ABCA13: variants seen among roughly 807,000 people sequenced by gnomAD.
ABCA13 encodes ATP-binding cassette sub-family A member 13.
Under a neutral mutation model 478.7 loss-of-function variants are expected in ABCA13, and 476 were observed. That is an observed-to-expected ratio of 0.99 (90% CI 0.92 to 1.07). The LOEUF is 1.07. Ranked by LOEUF, ABCA13 falls within the 50% of genes least tolerant of loss-of-function variation. The probability of loss-of-function intolerance (pLI) is 0.00; values close to 1 mark genes in which losing one functional copy is unlikely to be tolerated. For synonymous variants in ABCA13, 2,252 were observed against 2,158.9 expected (o/e 1.04, Z -1.20); for missense variants, 6,060 against 5,910.6 (o/e 1.03, Z -0.83).
chr7:48,471,780 G>A (rs1162944318), intron 45 of ABCA13, among the ~76,000 whole-genome samples, 181 bp downstream of exon 45: 3 of 152,192 alleles, frequency 2.0e-5, no homozygotes, highest in African/African-American at 7.2e-5. Flanking sequence ...GAACACAGAT[G>A]CTGTATAGAT....
intron 16 of ABCA13, among the ~76,000 whole-genome samples, chr7:48,270,046 T>C (rs1795386609): frequency 6.6e-6 from 1 of 152,182 alleles, no homozygotes; most frequent in South Asian, 2.1e-4. Flanking sequence ...CAAGGACACA[T>C]TTAATTTTAT....
chr7:48,182,398 C>T (rs1279381818), intron 1 of ABCA13, among the ~76,000 whole-genome samples: 2 of 152,112 alleles, frequency 1.3e-5, no homozygotes, highest in East Asian at 1.9e-4. Context: ...ATGTACATCT[C>T]ACAATTTAAA....
intron 27 of ABCA13, 40 bp from the exon 28 acceptor site, chr7:48,335,382 G>T: frequency 7.0e-7 from 1 of 1,422,692 alleles, no homozygotes; most frequent in Non-Finnish European, 9.8e-7. Flanking sequence ...TAATATAACA[G>T]CTGAATAAGA....
At chr7:48,421,287 C>T (rs1316652143) in intron 41 of ABCA13, among the ~76,000 whole-genome samples, 1 of 152,056 alleles carries the variant, frequency 6.6e-6, no homozygotes, top group South Asian at 2.1e-4. Context: ...TGTTCCTTGC[C>T]AGAATTAAAA....
intron 33 of ABCA13, among the ~76,000 whole-genome samples, chr7:48,374,104 C>T (rs192313103): frequency 1.3e-5 from 2 of 152,242 alleles, no homozygotes; most frequent in East Asian, 3.9e-4. Flanking sequence ...TCAAGCATCT[C>T]GGTAAAGAGA....
intron 35 of ABCA13, 98 bp from the exon 36 acceptor site, chr7:48,387,724 C>A: frequency 9.7e-7 from 1 of 1,025,868 alleles, no homozygotes; most frequent in Non-Finnish European, 1.4e-6. Context: ...AAAATATTAA[C>A]ATGGGATGAC....
At chr7:48,442,315 C>T (rs941768494) in intron 42 of ABCA13, among the ~76,000 whole-genome samples, 3 of 152,138 alleles carry the variant, frequency 2.0e-5, no homozygotes, top group Admixed American at 2.0e-4. Context: ...ACATTCATTT[C>T]TCACAGTTAT....
intron 58 of ABCA13, among the ~76,000 whole-genome samples, chr7:48,605,572 G>A (rs1264592689): frequency 6.6e-6 from 1 of 152,228 alleles, no homozygotes; most frequent in East Asian, 1.9e-4. Flanking sequence ...GGTTTCTGCA[G>A]AGAGATCCAC....
chr7:48,599,987 G>A (rs1790716432), intron 58 of ABCA13, among the ~76,000 whole-genome samples: 1 of 152,118 alleles, frequency 6.6e-6, no homozygotes. Flanking sequence ...TTTTTCCTGG[G>A]TATTCTATCA....
chr7:48,479,570 A>C (rs1385257761), intron 45 of ABCA13, among the ~76,000 whole-genome samples: 1 of 152,144 alleles, frequency 6.6e-6, no homozygotes, highest in Non-Finnish European at 1.5e-5. Flanking sequence ...ATACATTGTC[A>C]CTAATTGTAG....
rs548841327 is a variant in ABCA13, at chr7:48,307,735, C to T, written c.9322-2212C>T. On this transcript the variant is annotated intron_variant, in intron 23 of 61. Transcript: ENST00000435803. Reference sequence around the variant, plus strand: ...TTGCTCTGTTGCCCAGGCTGGAGTGCAGTGGCACAATCTCGGCTCACTGTG... The same window carrying T: ...TTGCTCTGTTGCCCAGGCTGGAGTGTAGTGGCACAATCTCGGCTCACTGTG... Among the ~76,000 whole-genome samples, 13 of 152,200 alleles carry T rather than the reference C, an allele frequency of 8.5e-5. No homozygotes were observed. In the South Asian group the frequency reaches 2.1e-3, roughly 24 times the overall value.
chr7:48,345,270 T>C (rs1002025996), intron 29 of ABCA13, among the ~76,000 whole-genome samples: 9 of 152,244 alleles, frequency 5.9e-5, no homozygotes, highest in African/African-American at 1.9e-4. Context: ...TGTATGTGTT[T>C]AATTCAATTC....
rs1419645534 is a variant in ABCA13 at position 48,520,076 on chromosome 7, C to T, written c.13833C>T (p.Val4611=). ...LQNIYDVLKW[V]FTIFPQFCLG... ...ATATCTATGATGTCCTCAAGTGGGT[C>T]TTTACTATTTTTCCTCAATTCTGTC... is the stretch of plus-strand genomic sequence containing the variant. The change falls in exon 53 of 62, where the codon GTC becomes GTT. Residue 4611 remains valine, a synonymous_variant. Coordinates refer to ENST00000435803, the MANE Select transcript of ABCA13 (RefSeq NM_152701.5). The T allele has an allele frequency of 1.2e-6, 2 of 1,612,942 alleles. No homozygotes were observed. The highest frequency in any genetic ancestry group is 1.1e-5 in the South Asian group (1 of 90,988).
At chr7:48,227,004 T>G (rs6957787) in intron 5 of ABCA13, among the ~76,000 whole-genome samples, 65,312 of 151,862 alleles carry the variant, frequency 0.43, 14,407 homozygotes, top group Middle Eastern at 0.47. Flanking sequence ...GGCCTTCTTT[T>G]TCTTCTTACC....
chr7:48,293,843 A>T (rs1354681957), intron 20 of ABCA13, among the ~76,000 whole-genome samples: 1 of 152,196 alleles, frequency 6.6e-6, no homozygotes, highest in African/African-American at 2.4e-5. Flanking sequence ...GGTGGGGGTT[A>T]GAGATGTGGA....
At chr7:48,296,607 C>T (rs1477115552) in intron 21 of ABCA13, among the ~76,000 whole-genome samples, 3 of 151,818 alleles carry the variant, frequency 2.0e-5, no homozygotes, top group Non-Finnish European at 4.4e-5. Context: ...CTACAGGCAC[C>T]CGCCACCATG....
chr7:48,463,011 A>G (rs1201627875), intron 43 of ABCA13, among the ~76,000 whole-genome samples: 1 of 152,136 alleles, frequency 6.6e-6, no homozygotes, highest in African/African-American at 2.4e-5. Context: ...TTGTATCTAA[A>G]CAGTGGCTAT....
chr7:48,177,349 C>T (rs774210094), intron 1 of ABCA13, among the ~76,000 whole-genome samples: 6 of 152,222 alleles, frequency 3.9e-5, no homozygotes, highest in Non-Finnish European at 8.8e-5. Context: ...TACTCTTGAA[C>T]TGCTCCTATG....
At chr7:48,304,623 G>A (rs2128866234) in intron 23 of ABCA13, among the ~76,000 whole-genome samples, 1 of 152,230 alleles carries the variant, frequency 6.6e-6, no homozygotes, top group East Asian at 1.9e-4. Flanking sequence ...TACCAGATGG[G>A]GAGGATGAGA....
Sources: allele counts gnomAD v4.1 joint callset (sites outside exome capture counted in the v4.1 genomes callset), GRCh38; gene constraint gnomAD v4.1.1; transcripts MANE v1.5; gene names NCBI Gene and HGNC (gene_info 2026-07-23, HGNC 2026-07-21).